CSNK2A2: variants seen among roughly 807,000 people sequenced by gnomAD.
CSNK2A2 encodes the protein casein kinase 2 alpha 2, also known as casein kinase II subunit alpha'.
Under a neutral mutation model 54.0 loss-of-function variants are expected in CSNK2A2, and 8 were observed. The ratio of observed to expected loss-of-function variants is 0.15; its 90% confidence interval spans 0.09 to 0.27. The LOEUF is 0.27. Ranked by LOEUF, CSNK2A2 falls within the 10% of genes least tolerant of loss-of-function variation. The pLI is 1.00. For missense variants in CSNK2A2, 242 were observed against 439.4 expected (o/e 0.55, Z 4.02); for synonymous variants, 141 against 153.9 (o/e 0.92, Z 0.62).
chr16:58,168,839 G>A (rs1023397005), intron 5 of CSNK2A2, 146 bp from the exon 6 acceptor site: 27 of 629,414 alleles, frequency 4.3e-5, no homozygotes, highest in Admixed American at 1.2e-4. Flanking sequence ...GAAAAAAAGC[G>A]TGCTTCAGAA....
chr16:58,191,877 G>A (rs1307541496), intron 2 of CSNK2A2, among the ~76,000 whole-genome samples: 1 of 152,082 alleles, frequency 6.6e-6, no homozygotes, highest in Non-Finnish European at 1.5e-5. Context: ...TCTTAGATGA[G>A]CACTATTAAC....
chr16:58,172,174 G>A (rs1216840243), intron 5 of CSNK2A2, among the ~76,000 whole-genome samples: 1 of 150,178 alleles, frequency 6.7e-6, no homozygotes, highest in African/African-American at 2.4e-5. Flanking sequence ...TATGGGCAGT[G>A]GTTACTAACT....
intron 5 of CSNK2A2, among the ~76,000 whole-genome samples, chr16:58,169,603 G>C (rs1304607120): frequency 2.0e-5 from 3 of 152,074 alleles, no homozygotes; most frequent in Admixed American, 1.3e-4. Flanking sequence ...TGGTTCAAAG[G>C]ACAGACCAGC....
intron 3 of CSNK2A2, among the ~76,000 whole-genome samples, chr16:58,186,002 ATTTC>A (rs1049864779): frequency 6.6e-6 from 1 of 152,238 alleles, no homozygotes; most frequent in Non-Finnish European, 1.5e-5. Context: ...GCAAAAACCT[ATTTC>A]TTTAATAAAC....
At chr16:58,160,234 G>A (rs1567459920) in intron 11 of CSNK2A2, 1 of 152,106 alleles carries the variant, frequency 6.6e-6, no homozygotes, top group Non-Finnish European at 1.5e-5. Flanking sequence ...GGCTTCTTGT[G>A]TGCTCATGTG....
At chr16:58,193,548 G>GC (rs1318543052) in intron 2 of CSNK2A2, among the ~76,000 whole-genome samples, 1 of 152,098 alleles carries the variant, frequency 6.6e-6, no homozygotes, top group African/African-American at 2.4e-5. Flanking sequence ...AAATAGTGTT[G>GC]CTCTTAACTT....
chr16:58,164,636 A>T (rs926215812), intron 10 of CSNK2A2, among the ~76,000 whole-genome samples: 1 of 152,198 alleles, frequency 6.6e-6, no homozygotes, highest in Non-Finnish European at 1.5e-5. Context: ...CATGTCATAA[A>T]CATCAGTATT....
intron 4 of CSNK2A2, among the ~76,000 whole-genome samples, chr16:58,183,294 T>C (rs924269340): frequency 6.6e-6 from 1 of 151,906 alleles, no homozygotes; most frequent in Non-Finnish European, 1.5e-5. Flanking sequence ...GGAGAATCGC[T>C]TGAACCCGGG....
intron 5 of CSNK2A2, among the ~76,000 whole-genome samples, chr16:58,171,979 A>ATATATATATATATATTTT (rs1261137669): frequency 6.0e-5 from 4 of 66,186 alleles, no homozygotes; most frequent in Non-Finnish European, 9.9e-5. Flanking sequence ...ATATATATAT[A>ATATATATATATATATTTT]TTTTTTTTTT....
chr16:58,164,323 A>G (rs1961497796), intron 10 of CSNK2A2, among the ~76,000 whole-genome samples, 176 bp from the exon 11 acceptor site: 1 of 152,220 alleles, frequency 6.6e-6, no homozygotes, highest in African/African-American at 2.4e-5. Flanking sequence ...CCAAACACTG[A>G]AAAATGATCA....
Position 58,197,970 on chromosome 16 carries a change from G to A in CSNK2A2, c.-234C>T, listed in dbSNP as rs1962521039. 1 of 144,920 alleles carries A rather than the reference G, an allele frequency of 6.9e-6. No individual in the cohort carries two copies. Among genetic ancestry groups the A allele is most frequent in the Non-Finnish European group, 1.5e-5 (1 of 65,014 alleles). The allele number at this position is 144,920 out of a possible 1,614,324, so 9.0% of individuals were successfully genotyped here. ...CCTGGAGCGGCCGGCGGGGCGGCGGGGCGGGCGGCGCTCGCGCTCCGCGGC... is the reference window on the plus strand; with the variant it reads ...CCTGGAGCGGCCGGCGGGGCGGCGGAGCGGGCGGCGCTCGCGCTCCGCGGC... On this transcript the variant is annotated 5_prime_UTR_variant, in exon 1 of 12. Coordinates refer to ENST00000262506, the MANE Select transcript of CSNK2A2 (RefSeq NM_001896.4). The surrounding 1 kb of genome is among the most constrained non-coding windows in gnomAD (Gnocchi z 4.0).
At chr16:58,187,709 T>C (rs1019020498) in intron 2 of CSNK2A2, among the ~76,000 whole-genome samples, 36 of 152,258 alleles carry the variant, frequency 2.4e-4, no homozygotes, top group African/African-American at 8.2e-4. Context: ...AATGATAGTG[T>C]TATTTTCATA....
At chr16:58,171,987 T>A (rs868557966) in intron 5 of CSNK2A2, among the ~76,000 whole-genome samples, 12,815 of 64,982 alleles carry the variant, frequency 0.2, 944 homozygotes, top group African/African-American at 0.36. Context: ...ATATTTTTTT[T>A]TTTTTTTTTT....
chr16:58,184,399 A>G, intron 3 of CSNK2A2, 89 bp from the exon 4 acceptor site: 1 of 857,022 alleles, frequency 1.2e-6, no homozygotes. Context: ...CCCAAATCCT[A>G]CTTAGGTAAC....
At chr16:58,172,562 G>A (rs902059031) in intron 5 of CSNK2A2, among the ~76,000 whole-genome samples, 3 of 152,140 alleles carry the variant, frequency 2.0e-5, no homozygotes, top group Admixed American at 6.5e-5. Context: ...CCTACTCTTT[G>A]TCCAAAGGAA....
At chr16:58,189,580 T>G (rs1962276607) in intron 2 of CSNK2A2, among the ~76,000 whole-genome samples, 1 of 152,122 alleles carries the variant, frequency 6.6e-6, no homozygotes, top group Non-Finnish European at 1.5e-5. Context: ...TGAACCTCCC[T>G]CTCAATACAT....
Position 58,198,102 on chromosome 16 carries a change from G to A in CSNK2A2, c.-366C>T, listed in dbSNP as rs1476459028. 2.0e-5 allele frequency among the ~76,000 whole-genome samples: 3 copies of A among 146,594 alleles called. No homozygotes were observed. Among genetic ancestry groups the A allele is most frequent in the Non-Finnish European group, 1.5e-5 (1 of 65,832 alleles). ...GGCGGCGGCAGCGGAGAAGAAGGAG[G>A]AGAGGAGGAGGAGGCGGAGGAAACC... On this transcript the variant is annotated 5_prime_UTR_variant, in exon 1 of 12. Coordinates refer to ENST00000262506, the MANE Select transcript of CSNK2A2 (RefSeq NM_001896.4).
chr16:58,164,032 G>A, intron 11 of CSNK2A2, 22 bp downstream of exon 11: 9 of 1,574,840 alleles, frequency 5.7e-6, no homozygotes, highest in Non-Finnish European at 7.8e-6. Flanking sequence ...GGTTTTATTG[G>A]CAAGCATCAA....
chr16:58,168,610 CT>C lies in CSNK2A2; in HGVS notation c.512del (p.Lys171SerfsTer4). ...HNVMIDHQQK[K>X]LRLIDWGLAE... ...TGTTGCTGCCTGGCTGTAATGGTAC[CT>C]TTTTCTGTTGGTGATCTATCATGAC... On this transcript the variant is annotated frameshift_variant and splice_region_variant, in exon 6 of 12. Transcript: ENST00000262506. LOFTEE classifies it high-confidence loss of function. The C allele has an allele frequency of 2.5e-6, 4 of 1,613,210 alleles. No individual in the cohort carries two copies. The highest frequency in any genetic ancestry group is 2.5e-6 in the Non-Finnish European group (3 of 1,179,316).
Sources: gnomAD v4.1 joint callset for allele counts (sites outside exome capture counted in the v4.1 genomes callset) on GRCh38, gnomAD v4.1.1 for gene constraint, Gnocchi (gnomAD v3.1) non-coding constraint, MANE v1.5 for transcripts, NCBI Gene and HGNC (gene_info 2026-07-23, HGNC 2026-07-21) for gene names.